The following ZFYVE9 variants were observed in gnomAD, a reference collection of about 807,000 sequenced individuals.
ZFYVE9 encodes zinc finger FYVE domain-containing protein 9.
ZFYVE9 carries 43 observed loss-of-function variants against 126.7 expected under a neutral mutation model. The ratio of observed to expected loss-of-function variants is 0.34; its 90% CI spans 0.27 to 0.44. The LOEUF (loss-of-function observed/expected upper bound fraction) is 0.44. ZFYVE9 is among the 20% of genes least tolerant of loss of function. The pLI, the probability that ZFYVE9 is intolerant of heterozygous loss-of-function variation, is 1.00. For missense variants in ZFYVE9, 1,476 were observed against 1,697.0 expected, an observed-to-expected ratio of 0.87 and a Z score of 2.29; for synonymous variants, 521 against 597.4, an observed-to-expected ratio of 0.87 and a Z score of 1.87.
intron 9 of ZFYVE9, among the ~76,000 whole-genome samples, chr1:52,279,317 A>G (rs1368267941): frequency 2.0e-5 from 3 of 152,220 alleles, no homozygotes; most frequent in Non-Finnish European, 1.5e-5. Flanking sequence ...TTTTAATCCC[A>G]GAAACCTCAA....
At chr1:52,320,136 T>A (rs976511957) in intron 13 of ZFYVE9, among the ~76,000 whole-genome samples, 4 of 148,656 alleles carry the variant, frequency 2.7e-5, no homozygotes, top group Non-Finnish European at 3.0e-5. Flanking sequence ...AATGGTGCAA[T>A]CTCAGCTCAC....
intron 10 of ZFYVE9, among the ~76,000 whole-genome samples, chr1:52,284,177 A>G (rs1440477369): frequency 6.6e-6 from 1 of 152,220 alleles, no homozygotes; most frequent in Non-Finnish European, 1.5e-5. Flanking sequence ...TGAATTTGAA[A>G]TAATGACATC....
intron 2 of ZFYVE9, among the ~76,000 whole-genome samples, chr1:52,225,592 C>T (rs1645163143): frequency 1.3e-5 from 2 of 152,076 alleles, no homozygotes; most frequent in African/African-American, 4.8e-5. Context: ...CCCGATTGGC[C>T]AAGGCTTAAA....
intron 4 of ZFYVE9, among the ~76,000 whole-genome samples, chr1:52,250,167 A>G (rs1369385173): frequency 6.6e-6 from 1 of 152,196 alleles, no homozygotes. Context: ...TAGGGTTTTG[A>G]TAGAGATTGC....
At chr1:52,206,267 A>G (rs987266376) in intron 1 of ZFYVE9, among the ~76,000 whole-genome samples, 3 of 152,200 alleles carry the variant, frequency 2.0e-5, no homozygotes, top group African/African-American at 7.2e-5. Flanking sequence ...ACACCAGGCT[A>G]ATAAACTGGT....
intron 8 of ZFYVE9, among the ~76,000 whole-genome samples, chr1:52,276,274 C>G (rs1479133523): frequency 6.6e-6 from 1 of 152,152 alleles, no homozygotes; most frequent in African/African-American, 2.4e-5. Flanking sequence ...TTATTTCCAG[C>G]TATTCCCCAG....
intron 1 of ZFYVE9, among the ~76,000 whole-genome samples, chr1:52,153,183 A>G (rs910193351): frequency 2.0e-4 from 30 of 152,194 alleles, no homozygotes; most frequent in African/African-American, 7.2e-4. Context: ...TTGGACCTGA[A>G]TGGCAATTCT....
chr1:52,203,038 G>T (rs1027237041), intron 1 of ZFYVE9, among the ~76,000 whole-genome samples: 5 of 151,884 alleles, frequency 3.3e-5, no homozygotes, highest in African/African-American at 9.7e-5. Flanking sequence ...ATTTTATAGG[G>T]GTACAGATTT....
At chr1:52,183,862 T>C (rs1433787580) in intron 1 of ZFYVE9, among the ~76,000 whole-genome samples, 1 of 150,438 alleles carries the variant, frequency 6.6e-6, no homozygotes, top group East Asian at 1.9e-4. Flanking sequence ...ATCTTTCTTT[T>C]TTTTTTTTTT....
At chr1:52,339,510 C>T (rs1293348788) in intron 16 of ZFYVE9, among the ~76,000 whole-genome samples, 1 of 152,012 alleles carries the variant, frequency 6.6e-6, no homozygotes, top group Non-Finnish European at 1.5e-5. Context: ...ATGCTGGTCT[C>T]GAACTCCTGA....
At chr1:52,182,667 A>G (rs375872009) in intron 1 of ZFYVE9, among the ~76,000 whole-genome samples, 1 of 152,176 alleles carries the variant, frequency 6.6e-6, no homozygotes, top group East Asian at 1.9e-4. Context: ...TTCACTTGTT[A>G]ATCTGCTGAC....
At chr1:52,335,351 T>C (rs1361865094) in intron 15 of ZFYVE9, 1 of 152,748 alleles carries the variant, frequency 6.5e-6, no homozygotes, top group African/African-American at 2.4e-5. Context: ...AGGGATGGCT[T>C]AACACTGCTT....
chr1:52,239,147 G>A lies in ZFYVE9; in HGVS notation c.1730G>A (p.Gly577Asp). 1 of 1,614,066 alleles carries A rather than the reference G, an allele frequency of 6.2e-7. No individual in the cohort carries two copies. Among genetic ancestry groups the A allele is most frequent in the Non-Finnish European group, 8.5e-7 (1 of 1,179,992 alleles). Residue 577 changes from glycine (G) to aspartate (D), a missense_variant, in exon 4 of 19, where the codon GGT becomes GAT. By Grantham distance (94) the Gly-to-Asp change is moderately conservative. Transcript: ENST00000287727. ...ASLPSISVPF[G>D]GARPKQPSNL... ...CTGCCATCTATCAGTGTTCCTTTTG[G>A]TGGTGCAAGACCCAAGCAACCTTCT...
rs554454240 is a variant in ZFYVE9, at chr1:52,199,344, T to C, written c.-142-17025T>C. Among the ~76,000 whole-genome samples, 10 of 152,232 alleles carry C rather than the reference T, an allele frequency of 6.6e-5. No homozygotes were observed. In the East Asian group the frequency reaches 1.9e-3, roughly 29 times the overall value. On this transcript the variant is annotated intron_variant, in intron 1 of 18. Transcript: ENST00000287727. Reference sequence around the variant, plus strand: ...TCCCGAAGTGCTGGGATTACAGGAGTGAGCCACCGTACCTGGCCAATCACG... The same window carrying C: ...TCCCGAAGTGCTGGGATTACAGGAGCGAGCCACCGTACCTGGCCAATCACG...
intron 1 of ZFYVE9, among the ~76,000 whole-genome samples, chr1:52,169,724 G>A (rs575982862): frequency 2.0e-4 from 31 of 152,296 alleles, no homozygotes; most frequent in South Asian, 1.0e-3. Context: ...AGGTGCTCAA[G>A]TATTGGTTGA....
chr1:52,304,567 T>G (rs1646064305), intron 13 of ZFYVE9, among the ~76,000 whole-genome samples: 1 of 152,154 alleles, frequency 6.6e-6, no homozygotes, highest in Non-Finnish European at 1.5e-5. Context: ...CCAGCCGGGT[T>G]TCTTTGTATA....
At position 52,346,173 on chromosome 1, in the gene ZFYVE9, C is replaced by G. The variant is rs745494069; in HGVS notation, c.4230C>G (p.Gly1410=). The change falls in exon 19 of 19, where the codon GGC becomes GGG. Residue 1410 remains glycine, a synonymous_variant. Transcript: ENST00000287727. The part of the protein sequence containing the change: ...IHGGACQLSE[G]PVVMELIFYI... ...GAGGGGCCTGCCAGCTTAGTGAGGG[C>G]CCCGTTGTCATGGAACTCATCTTTT... 1 of 1,611,746 alleles carries G rather than the reference C, an allele frequency of 6.2e-7. No individual in the cohort carries two copies. The highest frequency in any genetic ancestry group is 8.5e-7 in the Non-Finnish European group (1 of 1,178,492).
intron 1 of ZFYVE9, among the ~76,000 whole-genome samples, chr1:52,212,149 T>A (rs1015951936): frequency 3.9e-5 from 6 of 152,142 alleles, no homozygotes; most frequent in African/African-American, 1.4e-4. Context: ...TTATTTTTAT[T>A]TATTTATTTT....
At chr1:52,339,650 G>T (rs1475982053) in intron 16 of ZFYVE9, among the ~76,000 whole-genome samples, 2 of 152,096 alleles carry the variant, frequency 1.3e-5, no homozygotes, top group East Asian at 3.9e-4. Flanking sequence ...TCAGTAATGG[G>T]AATATAAGCA....
Sources: allele counts gnomAD v4.1 joint callset (sites outside exome capture counted in the v4.1 genomes callset), GRCh38; gene constraint gnomAD v4.1.1; transcripts MANE v1.5; gene names NCBI Gene and HGNC (gene_info 2026-07-23, HGNC 2026-07-21).